Variants in SPECC1 observed in about 807,000 individuals in gnomAD.
SPECC1 encodes sperm antigen with calponin homology and coiled-coil domains 1, also known as cytospin-B.
SPECC1 carries 62 observed loss-of-function variants against 104.1 expected under a neutral mutation model. The ratio of observed to expected loss-of-function variants is 0.60; its 90% CI spans 0.49 to 0.74. The LOEUF is 0.74. Among genes scored for constraint, SPECC1 ranks in the 30% least tolerant of loss-of-function variants. The probability of loss-of-function intolerance (pLI) is 0.00; values close to 1 mark genes in which losing one functional copy is unlikely to be tolerated. For synonymous variants in SPECC1, 513 were observed against 501.6 expected, an observed-to-expected ratio of 1.02 and a Z score of -0.30; for missense variants, 1,306 against 1,310.5, an observed-to-expected ratio of 1.00 and a Z score of 0.05.
intron 3 of SPECC1, among the ~76,000 whole-genome samples, chr17:20,142,801 C>G (rs1175848294): frequency 6.7e-6 from 1 of 149,842 alleles, no homozygotes; most frequent in Non-Finnish European, 1.5e-5. Context: ...GCCAGCCTGG[C>G]TGACACAGTG....
chr17:20,261,501 CAAAAAAA>C (rs75833770), intron 12 of SPECC1, among the ~76,000 whole-genome samples: 2 of 54,750 alleles, frequency 3.7e-5, no homozygotes, highest in African/African-American at 1.1e-4. Flanking sequence ...GACTCCGTCT[CAAAAAAA>C]AAAAAAAAAA....
intron 3 of SPECC1, among the ~76,000 whole-genome samples, chr17:20,203,687 T>C (rs1470595741): frequency 6.6e-6 from 1 of 152,242 alleles, no homozygotes; most frequent in Non-Finnish European, 1.5e-5. Flanking sequence ...AAGTGTTTAT[T>C]GAGAAATTCA....
chr17:20,134,495 T>C (rs1448286377), intron 3 of SPECC1, among the ~76,000 whole-genome samples: 1 of 152,120 alleles, frequency 6.6e-6, no homozygotes, highest in African/African-American at 2.4e-5. Flanking sequence ...ACAGGAGCTT[T>C]TTAAAAATGG....
intron 13 of SPECC1, chr17:20,305,789 G>T (rs1598175441): frequency 2.2e-6 from 1 of 445,992 alleles, no homozygotes; most frequent in Non-Finnish European, 4.0e-6. Context: ...CTTGACAAAG[G>T]TAAACAAAAA....
chr17:20,133,253 T>C (rs571574174), intron 3 of SPECC1, among the ~76,000 whole-genome samples: 1 of 152,230 alleles, frequency 6.6e-6, no homozygotes, highest in African/African-American at 2.4e-5. Context: ...CGAGTTCTGC[T>C]CTTCTTTATT....
At chr17:20,077,187 T>A (rs187312450) in intron 1 of SPECC1, among the ~76,000 whole-genome samples, 60 of 152,346 alleles carry the variant, frequency 3.9e-4, no homozygotes, top group African/African-American at 1.4e-3. Context: ...GTTAGAGATC[T>A]AAGTTCTCTG....
chr17:20,219,156 G>T (rs1266370969), intron 4 of SPECC1, among the ~76,000 whole-genome samples: 1 of 152,058 alleles, frequency 6.6e-6, no homozygotes, highest in Non-Finnish European at 1.5e-5. Flanking sequence ...CTTTCTTTTG[G>T]GTGTATACCC....
intron 1 of SPECC1, among the ~76,000 whole-genome samples, chr17:20,078,817 C>G (rs947585160): frequency 6.6e-6 from 1 of 152,096 alleles, no homozygotes; most frequent in Non-Finnish European, 1.5e-5. Flanking sequence ...TGATATCAAA[C>G]TGTTGTTTCC....
At chr17:20,227,347 A>T in intron 4 of SPECC1, 66 bp from the exon 5 acceptor site, 1 of 1,396,828 alleles carries the variant, frequency 7.2e-7, no homozygotes, top group Admixed American at 2.0e-5. Flanking sequence ...TTGGCCTTCT[A>T]GTGTACAGAT....
chr17:20,019,711 T>C (rs1229208466), intron 1 of SPECC1, among the ~76,000 whole-genome samples: 1 of 152,160 alleles, frequency 6.6e-6, no homozygotes, highest in Non-Finnish European at 1.5e-5. Flanking sequence ...TAATTAGCCA[T>C]ATACAGATGG....
chr17:20,282,614 G>A (rs1010132311), intron 12 of SPECC1, among the ~76,000 whole-genome samples: 1 of 152,030 alleles, frequency 6.6e-6, no homozygotes, highest in African/African-American at 2.4e-5. Flanking sequence ...GATGAAAGTG[G>A]GTTGCCCTGC....
intron 3 of SPECC1, among the ~76,000 whole-genome samples, chr17:20,159,959 A>G (rs557078706): frequency 4.1e-4 from 62 of 152,260 alleles, no homozygotes; most frequent in Non-Finnish European, 6.0e-4. Context: ...CCGTTTTGCA[A>G]TTTTGCCTTT....
chr17:20,109,275 C>G (rs2048370197), intron 2 of SPECC1, among the ~76,000 whole-genome samples: 1 of 152,194 alleles, frequency 6.6e-6, no homozygotes, highest in African/African-American at 2.4e-5. Context: ...CGGGGCTCGC[C>G]CACTGCATAT....
At chr17:20,208,089 A>G (rs2036900475) in intron 4 of SPECC1, among the ~76,000 whole-genome samples, 1 of 152,246 alleles carries the variant, frequency 6.6e-6, no homozygotes, top group Non-Finnish European at 1.5e-5. Flanking sequence ...AATTTAAAGG[A>G]AAGTGTGCAT....
intron 1 of SPECC1, among the ~76,000 whole-genome samples, chr17:20,045,095 A>T (rs1218127210): frequency 6.6e-6 from 1 of 152,214 alleles, no homozygotes. Context: ...TTAGTAAAAC[A>T]TCTCAATATT....
chr17:20,211,969 C>T (rs1033447717), intron 4 of SPECC1, among the ~76,000 whole-genome samples: 7 of 152,194 alleles, frequency 4.6e-5, no homozygotes, highest in South Asian at 2.1e-4. Context: ...CTCTCCAGTC[C>T]GAGTTCTTGG....
chr17:20,033,169 G>T (rs1253464307), intron 1 of SPECC1, among the ~76,000 whole-genome samples: 2 of 151,978 alleles, frequency 1.3e-5, no homozygotes, highest in Non-Finnish European at 2.9e-5. Flanking sequence ...TTGCCATATT[G>T]GCCAGGCTGG....
At chr17:20,015,356 T>C (rs1327180190) in intron 1 of SPECC1, among the ~76,000 whole-genome samples, 1 of 149,826 alleles carries the variant, frequency 6.7e-6, no homozygotes, top group East Asian at 2.0e-4. Flanking sequence ...AGTGCAATGG[T>C]GTGGTTCAAT....
chr17:20,158,741 A>G (rs2032845548), intron 3 of SPECC1, among the ~76,000 whole-genome samples: 1 of 152,148 alleles, frequency 6.6e-6, no homozygotes, highest in Non-Finnish European at 1.5e-5. Flanking sequence ...TTGCAGATGA[A>G]TGGCAAGTTC....
Sources: allele counts gnomAD v4.1 joint callset (sites outside exome capture counted in the v4.1 genomes callset), GRCh38; gene constraint gnomAD v4.1.1; transcripts MANE v1.5; gene names NCBI Gene and HGNC (gene_info 2026-07-23, HGNC 2026-07-21).